Variants in ABHD2 observed in about 807,000 individuals in gnomAD.
ABHD2 encodes monoacylglycerol lipase ABHD2.
ABHD2 carries 20 observed loss-of-function variants against 48.1 expected under a neutral mutation model. That is an observed-to-expected ratio of 0.42 (90% CI 0.29 to 0.60). ABHD2 has a LOEUF of 0.60. Ranked by LOEUF, ABHD2 falls within the 20% of genes least tolerant of loss-of-function variation. ABHD2 has a pLI of 0.24. For synonymous variants in ABHD2, 209 were observed against 214.2 expected (o/e 0.98, Z 0.21); for missense variants, 405 against 550.9 (o/e 0.74, Z 2.65).
intron 3 of ABHD2, among the ~76,000 whole-genome samples, chr15:89,150,750 G>A (rs1396151788): frequency 6.6e-6 from 1 of 152,196 alleles, no homozygotes; most frequent in Non-Finnish European, 1.5e-5. Flanking sequence ...AATACAGAGG[G>A]GAATGATTGA....
the ABHD2 span, among the ~76,000 whole-genome samples, chr15:89,079,458 CAT>C: frequency 1.7e-4 from 3 of 17,472 alleles, no homozygotes; most frequent in Admixed American, 2.8e-4. This position sits in a 1 kb window ranked among gnomAD's most constrained non-coding sequence, Gnocchi z 4.3. Flanking sequence ...CAAACTTCTA[CAT>C]GGCAAAATAA....
rs150020510 is a variant in ABHD2, at chr15:89,150,785, G to A, written c.195-892G>A. On this transcript the variant is annotated intron_variant, in intron 3 of 10. Transcript: ENST00000352732. ...ACGTCACTATCATTTTATATTATAC[G>A]ACTCCAGTTTATATAGGAGACAAAT... Among the ~76,000 whole-genome samples the A allele has an allele frequency of 7.6e-4, 116 of 152,210 alleles. No individual in the cohort carries two copies. In the Middle Eastern group the frequency reaches 0.014, roughly 18 times the overall value.
chr15:89,089,321 T>A (rs1041712763), intron 1 of ABHD2, among the ~76,000 whole-genome samples: 1 of 152,228 alleles, frequency 6.6e-6, no homozygotes, highest in Non-Finnish European at 1.5e-5. Context: ...TGGCCTTTGA[T>A]GCCTAGCTTG....
the ABHD2 span, among the ~76,000 whole-genome samples, chr15:89,080,594 A>G: frequency 6.6e-6 from 1 of 152,204 alleles, no homozygotes; most frequent in Admixed American, 6.5e-5. Flanking sequence ...ATCAAACACG[A>G]AAGAACAATC....
intron 1 of ABHD2, among the ~76,000 whole-genome samples, chr15:89,107,067 A>G (rs2150797051): frequency 1.3e-5 from 2 of 152,232 alleles, no homozygotes; most frequent in East Asian, 3.9e-4. Context: ...TGGGAGATCC[A>G]GGCTAGGCAA....
At position 89,195,352 on chromosome 15, in the gene ABHD2, G is replaced by A. The variant is rs374166259; in HGVS notation, c.1207G>A (p.Ala403Thr). ...TAAGCTGGTGGTGGAGTACGCCAAC[G>A]CCATTTGCCAATGGGAGCGTAACAA... ...MDKLVVEYAN[A>T]ICQWERNKLQ... The change falls in exon 11 of 11, where the codon GCC becomes ACC. Residue 403 changes from alanine (A) to threonine (T), a missense_variant. Physicochemically the swap from Ala to Thr is moderately conservative, Grantham distance 58. Transcript: ENST00000352732. This position sits in a 1 kb window ranked among gnomAD's most constrained non-coding sequence, Gnocchi z 5.1. The A allele has an allele frequency of 9.3e-6, 15 of 1,614,202 alleles. No homozygotes were observed. Among genetic ancestry groups the A allele is most frequent in the Non-Finnish European group, 1.1e-5 (13 of 1,180,026 alleles).
At position 89,091,523 on chromosome 15, in the gene ABHD2, A is replaced by T. The variant is rs1336366719; in HGVS notation, c.-107+2960A>T. ...TTTGCTGTTACTCGTTGCTTTAAGC[A>T]TTTACGCCTTTTCCTGGTAATCTCC... is the stretch of plus-strand genomic sequence containing the variant. On this transcript the variant is annotated intron_variant, in intron 1 of 10. Coordinates refer to ENST00000352732, the MANE Select transcript of ABHD2 (RefSeq NM_152924.5). This position sits in a 1 kb window ranked among gnomAD's most constrained non-coding sequence, Gnocchi z 5.5. Among the ~76,000 whole-genome samples, 1 of 152,048 alleles carries T rather than the reference A, an allele frequency of 6.6e-6. No homozygotes were observed. Among genetic ancestry groups the T allele is most frequent in the Non-Finnish European group, 1.5e-5 (1 of 68,012 alleles).
At chr15:89,076,091 G>C in the ABHD2 span, among the ~76,000 whole-genome samples, 11 of 152,180 alleles carry the variant, frequency 7.2e-5, 1 homozygote, top group Admixed American at 6.5e-4. Context: ...TGACCCATGT[G>C]CTTGCTCTCT....
chr15:89,058,396 G>A, the ABHD2 span, among the ~76,000 whole-genome samples: 69 of 152,296 alleles, frequency 4.5e-4, no homozygotes, highest in Admixed American at 1.5e-3. Context: ...CCACTCTTGG[G>A]AAGAGAGACC....
chr15:89,195,129 C>A lies in ABHD2; in HGVS notation c.1082-98C>A, dbSNP rs2051376206. The stretch of plus-strand genomic sequence containing the variant: ...TTGGATGCCCACTTAGGTGACCCTG[C>A]GGGGACAGCCAGGCTACCCTAGCCA... On this transcript the variant is annotated intron_variant, in intron 10 of 10. Coordinates refer to ENST00000352732, the MANE Select transcript of ABHD2 (RefSeq NM_152924.5). The surrounding 1 kb of genome is among the most constrained non-coding windows in gnomAD (Gnocchi z 5.1). The A allele has an allele frequency of 1.4e-6, 2 of 1,406,606 alleles. No homozygotes were observed. The highest frequency in any genetic ancestry group is 9.7e-7 in the Non-Finnish European group (1 of 1,035,066). 87.1% of individuals were successfully genotyped at this position (1,406,606 alleles called of 1,614,324 possible).
chr15:89,166,617 T>C lies in ABHD2; in HGVS notation c.539-9195T>C, dbSNP rs1369972756. ...AAATTATCTCTTGGGCTGGGTACAGTGGCTCACACCTTTAATCACAGTGAG... is the reference window on the plus strand; with the variant it reads ...AAATTATCTCTTGGGCTGGGTACAGCGGCTCACACCTTTAATCACAGTGAG... On this transcript the variant is annotated intron_variant, in intron 5 of 10. Coordinates refer to ENST00000352732, the MANE Select transcript of ABHD2 (RefSeq NM_152924.5). This position sits in a 1 kb window ranked among gnomAD's most constrained non-coding sequence, Gnocchi z 4.6. Among the ~76,000 whole-genome samples, 1 of 152,096 alleles carries C rather than the reference T, an allele frequency of 6.6e-6. No individual in the cohort carries two copies. Among genetic ancestry groups the C allele is most frequent in the African/African-American group, 2.4e-5 (1 of 41,398 alleles).
At chr15:89,044,707 G>C in the ABHD2 span, among the ~76,000 whole-genome samples, 1 of 152,030 alleles carries the variant, frequency 6.6e-6, no homozygotes, top group Non-Finnish European at 1.5e-5. Flanking sequence ...GTCTTCTTTT[G>C]AGAAGTGTCT....
rs917742242 is a variant in ABHD2 at position 89,185,911 on chromosome 15, G to A, written c.815+395G>A. Among the ~76,000 whole-genome samples the A allele has an allele frequency of 1.3e-5, 2 of 152,160 alleles. No homozygotes were observed. The highest frequency in any genetic ancestry group is 2.9e-5 in the Non-Finnish European group (2 of 68,030). ...GAACCCAGGAGGCGGAGGCTGCAGC[G>A]AGCCAAGATTGCGCCAATGCACCCC... On this transcript the variant is annotated intron_variant, in intron 7 of 10. Transcript: ENST00000352732. This position sits in a 1 kb window ranked among gnomAD's most constrained non-coding sequence, Gnocchi z 5.9.
At chr15:89,083,391 TAAG>T (rs767707089), upstream of ABHD2, among the ~76,000 whole-genome samples, 110 of 152,338 alleles carry the variant, frequency 7.2e-4, no homozygotes, top group Admixed American at 1.4e-3. The surrounding 1 kb of genome is among the most constrained non-coding windows in gnomAD (Gnocchi z 5.1). Flanking sequence ...GCATGGTGAC[TAAG>T]AAGAAGTCAT....
At chr15:89,121,186 C>T (rs999631424) in intron 3 of ABHD2, among the ~76,000 whole-genome samples, 2 of 152,170 alleles carry the variant, frequency 1.3e-5, no homozygotes, top group African/African-American at 4.8e-5. Context: ...GGCCACAGAA[C>T]CCTGGATAAA....
At chr15:89,171,764 G>T (rs919673871) in intron 5 of ABHD2, among the ~76,000 whole-genome samples, 1 of 152,140 alleles carries the variant, frequency 6.6e-6, no homozygotes, top group Non-Finnish European at 1.5e-5. Context: ...ATGCCTTCTC[G>T]CATTGGTCTG....
intron 1 of ABHD2, among the ~76,000 whole-genome samples, chr15:89,107,306 GAT>G (rs1011780279): frequency 3.3e-5 from 5 of 152,128 alleles, no homozygotes; most frequent in Admixed American, 6.6e-5. Flanking sequence ...CATTTTAGAA[GAT>G]ATGGTTCCAT....
chr15:89,143,457 C>T (rs1396562710), intron 3 of ABHD2, among the ~76,000 whole-genome samples: 1 of 152,140 alleles, frequency 6.6e-6, no homozygotes, highest in South Asian at 2.1e-4. Flanking sequence ...CACCTGAGGT[C>T]GGGAGTTCAA....
intron 10 of ABHD2, among the ~76,000 whole-genome samples, chr15:89,194,743 AAAATCCG>A (rs2150957430): frequency 6.6e-6 from 1 of 152,290 alleles, no homozygotes; most frequent in East Asian, 1.9e-4. Flanking sequence ...TTATTAAATC[AAAATCCG>A]CATTTTAATA....
Sources: allele counts gnomAD v4.1 joint callset (sites outside exome capture counted in the v4.1 genomes callset), GRCh38; gene constraint gnomAD v4.1.1; non-coding constraint Gnocchi (gnomAD v3.1); transcripts MANE v1.5; gene names NCBI Gene and HGNC (gene_info 2026-07-23, HGNC 2026-07-21).